The following BPTF variants were observed in gnomAD, a reference collection of about 807,000 sequenced individuals.
BPTF encodes nucleosome-remodeling factor subunit BPTF.
BPTF carries 18 observed loss-of-function variants against 292.5 expected under a neutral mutation model. The observed-to-expected ratio is 0.06, with a 90% CI of 0.04 to 0.09. The LOEUF (loss-of-function observed/expected upper bound fraction) is 0.09, where lower values mean the gene tolerates loss of function less well. Among genes scored for constraint, BPTF ranks in the 10% least tolerant of loss-of-function variants. The probability of loss-of-function intolerance (pLI) is 1.00; values close to 1 mark genes in which losing one functional copy is unlikely to be tolerated. For missense variants in BPTF, 2,726 were observed against 3,498.7 expected (o/e 0.78, Z 5.57); for synonymous variants, 1,225 against 1,251.9 (o/e 0.98, Z 0.45).
At chr17:67,964,733 G>A (rs1409757139) in intron 25 of BPTF, among the ~76,000 whole-genome samples, 1 of 152,168 alleles carries the variant, frequency 6.6e-6, no homozygotes, top group African/African-American at 2.4e-5. Flanking sequence ...GGGCATGGTG[G>A]CTCATGCCTG....
intron 4 of BPTF, among the ~76,000 whole-genome samples, chr17:67,890,663 C>T (rs959340070): frequency 2.6e-5 from 4 of 151,926 alleles, no homozygotes; most frequent in African/African-American, 7.3e-5. Context: ...TGTGGGAGGG[C>T]GGTGGTGAGG....
chr17:67,955,532 CTG>C (rs1424112744), intron 23 of BPTF: 6 of 150,712 alleles, frequency 4.0e-5, no homozygotes, highest in East Asian at 2.0e-4. Context: ...AATCTTAAAA[CTG>C]TAGCTTCAGA....
Position 67,911,975 on chromosome 17 carries a change from A to T in BPTF, c.4091A>T (p.Gln1364Leu), listed in dbSNP as rs900239514. The T allele has an allele frequency of 1.2e-6, 2 of 1,614,020 alleles. No individual in the cohort carries two copies. The highest frequency in any genetic ancestry group is 1.7e-5 in the Admixed American group (1 of 59,996). The change falls in exon 11 of 28, where the codon CAG becomes CTG. Residue 1364 changes from glutamine to leucine, a missense_variant. Gln to Leu is a moderately radical substitution (Grantham distance 113). Coordinates refer to ENST00000306378, the MANE Select transcript of BPTF (RefSeq NM_182641.4). Reference protein sequence around the residue: ...TEANGKKPSQQKKLEERPVNK... With the variant: ...TEANGKKPSQLKKLEERPVNK... ...GCAAATGGTAAAAAACCAAGTCAGCAGAAGAAATTAGAGGAGAGACCAGTT... is the reference window on the plus strand; with the variant it reads ...GCAAATGGTAAAAAACCAAGTCAGCTGAAGAAATTAGAGGAGAGACCAGTT...
intron 12 of BPTF, 74 bp from the exon 13 acceptor site, chr17:67,919,941 A>G: frequency 1.4e-6 from 2 of 1,433,388 alleles, no homozygotes; most frequent in South Asian, 2.7e-5. Flanking sequence ...CTCTTTTTGA[A>G]AGCACCAGAT....
chr17:67,922,306 TA>T (rs1318791152), intron 13 of BPTF, among the ~76,000 whole-genome samples: 4 of 152,228 alleles, frequency 2.6e-5, no homozygotes, highest in African/African-American at 9.6e-5. Flanking sequence ...TTTTATTTTT[TA>T]AATCTTTTTA....
At chr17:67,896,520 A>G (rs2061467317) in intron 7 of BPTF, among the ~76,000 whole-genome samples, 1 of 152,250 alleles carries the variant, frequency 6.6e-6, no homozygotes, top group African/African-American at 2.4e-5. Flanking sequence ...ATTTTTAAAA[A>G]GAAAAAACAG....
chr17:67,967,098 A>G (rs1395457417), intron 26 of BPTF, among the ~76,000 whole-genome samples: 3 of 150,650 alleles, frequency 2.0e-5, no homozygotes, highest in Non-Finnish European at 4.4e-5. Flanking sequence ...GACTGTCTCA[A>G]AAAAATAAAT....
intron 15 of BPTF, among the ~76,000 whole-genome samples, chr17:67,926,470 G>A (rs1167167792): frequency 5.3e-5 from 8 of 151,116 alleles, no homozygotes; most frequent in South Asian, 4.2e-4. Context: ...GACTATAGGC[G>A]CCCGCCACCA....
chr17:67,973,026 A>T (rs2068940908), intron 26 of BPTF, among the ~76,000 whole-genome samples: 1 of 145,330 alleles, frequency 6.9e-6, no homozygotes, highest in Non-Finnish European at 1.5e-5. Context: ...TGTGTACTAA[A>T]ATATATATAT....
At chr17:67,981,361 T>A (rs2070333440) in intron 27 of BPTF, 1 of 524,920 alleles carries the variant, frequency 1.9e-6, no homozygotes. Flanking sequence ...CCAGCATTGT[T>A]TGCACATTGT....
intron 12 of BPTF, 100 bp downstream of exon 12, chr17:67,918,938 T>C (rs545414774): frequency 1.2e-4 from 151 of 1,259,838 alleles, no homozygotes; most frequent in Non-Finnish European, 1.6e-4. Context: ...TTTGGGAGGC[T>C]GAGGCAGGTG....
At chr17:67,919,087 G>A (rs951825484) in intron 12 of BPTF, among the ~76,000 whole-genome samples, 1 of 151,312 alleles carries the variant, frequency 6.6e-6, no homozygotes, top group African/African-American at 2.4e-5. Flanking sequence ...CAGGAGAATG[G>A]CGTGAACCTG....
rs782471117 is a variant in BPTF, at chr17:67,982,299, G to C, written c.*11G>C. 1 of 1,605,926 alleles carries C rather than the reference G, an allele frequency of 6.2e-7. No homozygotes were observed. The highest frequency in any genetic ancestry group is 1.3e-5 in the African/African-American group (1 of 74,858). ...TCTACAGCTTCTTAAAGTTCAGCGT[G>C]TTAACCTAACATAAAACACAGCAAG... On this transcript the variant is annotated 3_prime_UTR_variant, in exon 28 of 28. Coordinates refer to ENST00000306378, the MANE Select transcript of BPTF (RefSeq NM_182641.4).
Position 67,841,291 on chromosome 17 carries a change from C to T in BPTF, c.614-12649C>T, listed in dbSNP as rs1234022845. 2.6e-5 allele frequency among the ~76,000 whole-genome samples: 4 copies of T among 152,188 alleles called. No individual in the cohort carries two copies. The South Asian group carries it at 8.3e-4, about 32-fold the overall frequency. On this transcript the variant is annotated intron_variant, in intron 1 of 27. Coordinates refer to ENST00000306378, the MANE Select transcript of BPTF (RefSeq NM_182641.4). ...GGTCGTGGTGGCACATGCCTGTAAT[C>T]CCAGCTACTCGGGAGGCTGAGGCAG... is the stretch of plus-strand genomic sequence containing the variant.
intron 19 of BPTF, among the ~76,000 whole-genome samples, chr17:67,942,398 C>T (rs2065449898): frequency 6.6e-6 from 1 of 152,070 alleles, no homozygotes; most frequent in Non-Finnish European, 1.5e-5. Flanking sequence ...AACTGCTGAA[C>T]TTTATTAATA....
intron 3 of BPTF, among the ~76,000 whole-genome samples, chr17:67,872,718 A>G (rs1324345952): frequency 6.6e-6 from 1 of 152,214 alleles, no homozygotes; most frequent in East Asian, 1.9e-4. Context: ...AAAAAAAGAA[A>G]GAAAGAAAAA....
chr17:67,940,463 A>C lies in BPTF; in HGVS notation c.6284A>C (p.Gln2095Pro). The C allele has an allele frequency of 6.2e-7, 1 of 1,614,112 alleles. No individual in the cohort carries two copies. The highest frequency in any genetic ancestry group is 8.5e-7 in the Non-Finnish European group (1 of 1,180,002). The change falls in exon 19 of 28, where the codon CAA (glutamine) becomes CCA (proline). Residue 2095 changes from glutamine to proline, a missense_variant. Around this residue, in one of 22 missense-constraint regions of BPTF, gnomAD observed 570 missense variants for 633.5 expected, o/e 0.90. Transcript: ENST00000306378. ...GGTGCTCCTCAGCAAGTGATGACTCAAATCATCAGGGGGCAGCCTGTCTCC... is the reference window on the plus strand; with the variant it reads ...GGTGCTCCTCAGCAAGTGATGACTCCAATCATCAGGGGGCAGCCTGTCTCC... ...QPGAPQQVMT[Q>P]IIRGQPVSTA...
At chr17:67,871,036 G>A (rs1187884090) in intron 3 of BPTF, among the ~76,000 whole-genome samples, 1 of 151,968 alleles carries the variant, frequency 6.6e-6, no homozygotes, top group Non-Finnish European at 1.5e-5. Context: ...CTCCCAAAGT[G>A]CTGGGATTAC....
chr17:67,962,597 G>A (rs2067625379), intron 24 of BPTF, among the ~76,000 whole-genome samples: 1 of 152,100 alleles, frequency 6.6e-6, no homozygotes, highest in East Asian at 1.9e-4. Context: ...CTCCTTCCAC[G>A]TTCCCTGCCC....
Sources: gnomAD v4.1 joint callset for allele counts (sites outside exome capture counted in the v4.1 genomes callset) on GRCh38, gnomAD v4.1.1 for gene constraint, gnomAD v4.1.1 regional missense constraint, MANE v1.5 for transcripts, NCBI Gene and HGNC (gene_info 2026-07-23, HGNC 2026-07-21) for gene names.